ITFG1: variants seen among roughly 807,000 people sequenced by gnomAD.
ITFG1 encodes integrin alpha FG-GAP repeat containing 1.
In ITFG1, 34 loss-of-function variants were observed where a neutral mutation model predicts 81.8. That is an observed-to-expected ratio of 0.42 (90% CI 0.32 to 0.55). ITFG1 has a LOEUF of 0.55. ITFG1 is among the 20% of genes least tolerant of loss of function. The pLI is 0.17. For missense variants in ITFG1, 672 were observed against 755.4 expected (o/e 0.89, Z 1.29); for synonymous variants, 285 against 270.6 (o/e 1.05, Z -0.52).
intron 4 of ITFG1, 67 bp from the exon 5 acceptor site, chr16:47,451,537 G>C (rs1969389930): frequency 1.2e-6 from 1 of 862,754 alleles, no homozygotes; most frequent in East Asian, 2.5e-5. Flanking sequence ...AGCTTTAAAA[G>C]AAGCAGTAAC....
chr16:47,191,923 A>T (rs983048777), intron 14 of ITFG1, among the ~76,000 whole-genome samples: 3 of 152,160 alleles, frequency 2.0e-5, no homozygotes, highest in African/African-American at 7.2e-5. Flanking sequence ...GGCCCACCTC[A>T]GCCTCCTGTG....
rs886617515 is a variant in ITFG1, at chr16:47,154,562, A to G, written c.*1157T>C. ...TCCATTTGCATACTAGAAAATTATT[A>G]GCATTGATAAACTTTTTTTTTTCAG... On this transcript the variant is annotated 3_prime_UTR_variant, in exon 18 of 18. Transcript: ENST00000320640. 1.3e-5 allele frequency: 2 copies of G among 152,226 alleles called. No homozygotes were observed. The highest frequency in any genetic ancestry group is 2.4e-5 in the African/African-American group (1 of 41,452). 9.4% of individuals were successfully genotyped at this position (152,226 alleles called of 1,614,324 possible). A position where few individuals can be genotyped will look rare whatever the true frequency, so the allele number is the denominator to read the frequency against.
intron 6 of ITFG1, among the ~76,000 whole-genome samples, chr16:47,388,891 C>T (rs1968495575): frequency 6.6e-6 from 1 of 152,118 alleles, no homozygotes; most frequent in East Asian, 1.9e-4. Context: ...ATTACAGGCC[C>T]AGGAAGTTCC....
chr16:47,223,879 G>GCA (rs1166990779), intron 13 of ITFG1, among the ~76,000 whole-genome samples: 4 of 152,134 alleles, frequency 2.6e-5, no homozygotes. Flanking sequence ...GGAATACTAT[G>GCA]CAGTCATAAA....
At chr16:47,419,021 G>A (rs1968907967) in intron 6 of ITFG1, among the ~76,000 whole-genome samples, 1 of 152,160 alleles carries the variant, frequency 6.6e-6, no homozygotes. Context: ...TATGGTCCAT[G>A]AGCATGAGAT....
chr16:47,428,983 CTTAAAT>C, intron 5 of ITFG1, 85 bp from the exon 6 acceptor site: 4 of 751,284 alleles, frequency 5.3e-6, no homozygotes, highest in South Asian at 3.4e-5. Flanking sequence ...ATGCAAAACA[CTTAAAT>C]TTATTTATTT....
At chr16:47,357,478 G>A (rs1427083127) in intron 8 of ITFG1, among the ~76,000 whole-genome samples, 1 of 151,902 alleles carries the variant, frequency 6.6e-6, no homozygotes, top group Admixed American at 6.6e-5. Flanking sequence ...AGCCGGGCGT[G>A]GTGGTGGGCA....
In ITFG1 at chr16:47,451,401, T is replaced by G. The variant is rs1477345116; in HGVS notation, c.555A>C (p.Leu185Phe). The G allele has an allele frequency of 2.5e-5, 39 of 1,535,302 alleles. No homozygotes were observed. The highest frequency in any genetic ancestry group is 3.3e-5 in the Non-Finnish European group (37 of 1,109,402). ...TTATAACCATATTTACTCACCCTCC[T>G]AATAGTATCTGTGGCTGGTTGGATT... Reference protein sequence around the residue: ...TNESNQPQILLGGNLSWHPAL... With the variant: ...TNESNQPQILFGGNLSWHPAL... The change falls in exon 5 of 18, where the codon TTA becomes TTC. Residue 185 changes from leucine (L) to phenylalanine (F), a missense_variant. Coordinates refer to ENST00000320640, the MANE Select transcript of ITFG1 (RefSeq NM_030790.5).
At chr16:47,263,229 G>A in intron 10 of ITFG1, 1 of 348,642 alleles carries the variant, frequency 2.9e-6, no homozygotes, top group Non-Finnish European at 5.8e-6. Flanking sequence ...GACACTGAAG[G>A]GAATCAGATC....
chr16:47,309,257 T>C (rs1467495473), intron 10 of ITFG1, among the ~76,000 whole-genome samples: 1 of 151,904 alleles, frequency 6.6e-6, no homozygotes, highest in Non-Finnish European at 1.5e-5. Context: ...TTAATAGAGA[T>C]GGGGTTTCAC....
intron 8 of ITFG1, among the ~76,000 whole-genome samples, chr16:47,320,536 CA>C (rs1967433180): frequency 6.6e-6 from 1 of 152,104 alleles, no homozygotes; most frequent in East Asian, 1.9e-4. Flanking sequence ...TGTTCCACAC[CA>C]ATTACTGAAT....
chr16:47,233,627 C>G (rs749993487), intron 13 of ITFG1, among the ~76,000 whole-genome samples: 4 of 152,218 alleles, frequency 2.6e-5, no homozygotes, highest in Admixed American at 6.5e-5. Context: ...TACAGCTTAA[C>G]TGACTTGGGT....
At chr16:47,233,963 C>T (rs1195763481) in intron 13 of ITFG1, among the ~76,000 whole-genome samples, 2 of 152,132 alleles carry the variant, frequency 1.3e-5, no homozygotes, top group African/African-American at 4.8e-5. Context: ...GAAATAATTG[C>T]CTCCAACACA....
chr16:47,223,786 T>C (rs569249579), intron 13 of ITFG1, among the ~76,000 whole-genome samples: 1 of 152,280 alleles, frequency 6.6e-6, no homozygotes, highest in Non-Finnish European at 1.5e-5. Context: ...TGCGGCACTA[T>C]TTGTAATAGC....
intron 6 of ITFG1, among the ~76,000 whole-genome samples, chr16:47,411,750 G>C (rs1172446821): frequency 3.3e-5 from 5 of 152,108 alleles, no homozygotes; most frequent in Non-Finnish European, 5.9e-5. Flanking sequence ...ATGATTGGAG[G>C]TGGCTCCCAT....
chr16:47,393,047 A>G (rs576895702), intron 6 of ITFG1, among the ~76,000 whole-genome samples: 2 of 152,332 alleles, frequency 1.3e-5, no homozygotes, highest in African/African-American at 2.4e-5. Context: ...TTGGACCAGA[A>G]TTCTAAATGG....
rs1596993145 is a variant in ITFG1 at position 47,451,387 on chromosome 16, T to C, written c.560+9A>G. ...GATTAATTACATAGTTATAACCATATTTACTCACCCTCCTAATAGTATCTG... is the reference window on the plus strand; with the variant it reads ...GATTAATTACATAGTTATAACCATACTTACTCACCCTCCTAATAGTATCTG... On this transcript the variant is annotated intron_variant, in intron 5 of 17. Transcript: ENST00000320640. The C allele has an allele frequency of 6.9e-7, 1 of 1,449,386 alleles. No individual in the cohort carries two copies. Among genetic ancestry groups the C allele is most frequent in the Non-Finnish European group, 9.6e-7 (1 of 1,036,562 alleles). 89.8% of individuals were successfully genotyped at this position (1,449,386 alleles called of 1,614,324 possible).
chr16:47,185,393 A>G (rs1167118692), intron 14 of ITFG1, among the ~76,000 whole-genome samples: 1 of 152,180 alleles, frequency 6.6e-6, no homozygotes, highest in African/African-American at 2.4e-5. Context: ...GTAAAAGAAC[A>G]GAAATTATAA....
chr16:47,207,507 A>G (rs1384101561), intron 14 of ITFG1, among the ~76,000 whole-genome samples: 4 of 152,180 alleles, frequency 2.6e-5, no homozygotes, highest in Non-Finnish European at 5.9e-5. Flanking sequence ...GGTTTTCAAA[A>G]AAGTGATTAG....
Sources: gnomAD v4.1 joint callset for allele counts (sites outside exome capture counted in the v4.1 genomes callset) on GRCh38, gnomAD v4.1.1 for gene constraint, MANE v1.5 for transcripts, NCBI Gene and HGNC (gene_info 2026-07-23, HGNC 2026-07-21) for gene names.